SPECC1L: variants seen among roughly 807,000 people sequenced by gnomAD.
SPECC1L encodes the protein cytospin-A.
In SPECC1L, 40 loss-of-function variants were observed where a neutral mutation model predicts 116.8. The observed-to-expected ratio is 0.34, with a 90% CI of 0.27 to 0.45. SPECC1L has a LOEUF of 0.45. Among genes scored for constraint, SPECC1L ranks in the 20% least tolerant of loss-of-function variants. SPECC1L has a pLI of 1.00. For synonymous variants in SPECC1L, 504 were observed against 500.6 expected (o/e 1.01, Z -0.09); for missense variants, 1,110 against 1,373.6 (o/e 0.81, Z 3.03).
chr22:24,383,072 A>G (rs1274874441), intron 14 of SPECC1L, among the ~76,000 whole-genome samples: 3 of 152,224 alleles, frequency 2.0e-5, no homozygotes, highest in Non-Finnish European at 4.4e-5. Context: ...AAGGCCAGCC[A>G]AATGGGAATG....
rs1391703243 is a variant in SPECC1L, at chr22:24,295,677, C to T, written c.-37-6518C>T. Among the ~76,000 whole-genome samples the T allele has an allele frequency of 3.9e-5, 6 of 152,090 alleles. No homozygotes were observed. In the East Asian group the frequency reaches 5.8e-4, roughly 15 times the overall value. On this transcript the variant is annotated intron_variant, in intron 2 of 16. Coordinates refer to ENST00000314328, the MANE Select transcript of SPECC1L (RefSeq NM_015330.6). ...ATTAAGAATACCAGCACGGGCCCGG[C>T]GCGGTGGCTCACACTTGTAATCTCA...
chr22:24,271,545 G>C (rs773257711), intron 1 of SPECC1L, among the ~76,000 whole-genome samples: 8 of 152,248 alleles, frequency 5.3e-5, no homozygotes, highest in Admixed American at 2.0e-4. Flanking sequence ...GCATCAGGTT[G>C]GATGTGAATA....
intron 3 of SPECC1L, among the ~76,000 whole-genome samples, chr22:24,303,916 A>G (rs993089391): frequency 3.3e-5 from 5 of 150,830 alleles, no homozygotes; most frequent in African/African-American, 9.8e-5. Flanking sequence ...AGGTAAAACT[A>G]TTTGGCAACA....
rs749416109 is a variant in SPECC1L at position 24,328,929 on chromosome 22, A to G, written c.2220+10A>G. On this transcript the variant is annotated intron_variant, in intron 7 of 16. Transcript: ENST00000314328. Reference sequence around the variant, plus strand: ...CCACAGAAGACTTCGGGTAGGATAAATCTTCATGTATTGTCTTGTTAGAAA... The same window carrying G: ...CCACAGAAGACTTCGGGTAGGATAAGTCTTCATGTATTGTCTTGTTAGAAA... The G allele has an allele frequency of 2.5e-6, 4 of 1,596,490 alleles. No individual in the cohort carries two copies. Among genetic ancestry groups the G allele is most frequent in the Middle Eastern group, 1.7e-4 (1 of 6,032 alleles).
intron 2 of SPECC1L, among the ~76,000 whole-genome samples, chr22:24,292,490 C>G (rs554764729): frequency 1.6e-4 from 24 of 152,246 alleles, no homozygotes; most frequent in African/African-American, 5.8e-4. Context: ...TAGATTTTAT[C>G]AGTTCTTTTT....
chr22:24,353,435 TTTTG>T (rs372425741), intron 11 of SPECC1L, among the ~76,000 whole-genome samples: 17 of 152,242 alleles, frequency 1.1e-4, no homozygotes, highest in African/African-American at 2.4e-4. Context: ...TTTTTTCGTT[TTTTG>T]TTTGTTTGTT....
intron 10 of SPECC1L, among the ~76,000 whole-genome samples, chr22:24,342,854 A>C (rs2041206471): frequency 6.6e-6 from 1 of 152,050 alleles, no homozygotes; most frequent in African/African-American, 2.4e-5. Flanking sequence ...CCAAGAAAAA[A>C]AGGCGGGTCG....
In SPECC1L at chr22:24,347,144, A is replaced by G; in HGVS notation, c.2711A>G (p.Lys904Arg). The G allele has an allele frequency of 6.2e-7, 1 of 1,614,010 alleles. No individual in the cohort carries two copies. The highest frequency in any genetic ancestry group is 8.5e-7 in the Non-Finnish European group (1 of 1,179,886). ...TSKPLTALSDKRPNYGEIPVQ... is the reference protein window; with the variant it reads ...TSKPLTALSDRRPNYGEIPVQ... ...AAACCCCTGACAGCCCTGTCAGATA[A>G]GAGACCAAACTATGGGGAAATCCCT... Residue 904 changes from lysine to arginine, a missense_variant, in exon 11 of 17, where the codon AAG becomes AGG. Physicochemically the swap from Lys to Arg is conservative, Grantham distance 26. Around this residue, in one of 4 missense-constraint regions of SPECC1L, gnomAD observed 575 missense variants for 682.4 expected, o/e 0.84. Transcript: ENST00000314328.
chr22:24,410,438 G>A (rs1477761282), intron 14 of SPECC1L, among the ~76,000 whole-genome samples: 1 of 152,140 alleles, frequency 6.6e-6, no homozygotes, highest in Non-Finnish European at 1.5e-5. Flanking sequence ...CCACTCCTGT[G>A]CCCCATGCTT....
chr22:24,317,145 T>A (rs572841791), intron 4 of SPECC1L, among the ~76,000 whole-genome samples: 9 of 62,368 alleles, frequency 1.4e-4, no homozygotes, highest in Non-Finnish European at 1.6e-4. Flanking sequence ...CTGACCCCCC[T>A]ACCTCCCTCC....
chr22:24,307,342 T>G (rs1321226221), intron 3 of SPECC1L, among the ~76,000 whole-genome samples: 2 of 152,214 alleles, frequency 1.3e-5, no homozygotes, highest in Non-Finnish European at 2.9e-5. Context: ...TTCTATTGGG[T>G]GTGAGAGGGT....
In SPECC1L at chr22:24,347,119, A is replaced by G; in HGVS notation, c.2686A>G (p.Lys896Glu). Residue 896 changes from lysine (K) to glutamate (E), a missense_variant, in exon 11 of 17, where the codon AAA (lysine) becomes GAA (glutamate). Lys to Glu is a moderately conservative substitution (Grantham distance 56). Coordinates refer to ENST00000314328, the MANE Select transcript of SPECC1L (RefSeq NM_015330.6). ...CATAAGTGGACCAATCTCAACATCC[A>G]AACCCCTGACAGCCCTGTCAGATAA... ...HSISGPISTS[K>E]PLTALSDKRP... 1 of 1,614,094 alleles carries G rather than the reference A, an allele frequency of 6.2e-7. No individual in the cohort carries two copies. Among genetic ancestry groups the G allele is most frequent in the South Asian group, 1.1e-5 (1 of 91,084 alleles).
At chr22:24,409,351 G>T (rs1051646007) in intron 14 of SPECC1L, among the ~76,000 whole-genome samples, 3 of 152,156 alleles carry the variant, frequency 2.0e-5, no homozygotes, top group Non-Finnish European at 2.9e-5. Flanking sequence ...ACATGGTGGT[G>T]GGGAGGTGTT....
In SPECC1L at chr22:24,322,452, TAG is replaced by T; in HGVS notation, c.1475_1476del (p.Glu492AlafsTer8). 6.2e-7 allele frequency: 1 copy of T among 1,614,124 alleles called. No individual in the cohort carries two copies. The highest frequency in any genetic ancestry group is 8.5e-7 in the Non-Finnish European group (1 of 1,180,024). ...GTAAAAAGTGGGCGCTATATGGAAT[TAG>T]AGCAACGTTACATGGACCTCGCTGA... is the stretch of plus-strand genomic sequence containing the variant. On this transcript the variant is annotated frameshift_variant, in exon 5 of 17. Coordinates refer to ENST00000314328, the MANE Select transcript of SPECC1L (RefSeq NM_015330.6). LOFTEE classifies it high-confidence loss of function.
intron 2 of SPECC1L, among the ~76,000 whole-genome samples, chr22:24,301,901 C>A (rs914840930): frequency 3.3e-5 from 5 of 151,950 alleles, no homozygotes; most frequent in Admixed American, 6.6e-5. Context: ...AAAAAATTAG[C>A]CGGGCGTGGT....
At position 24,398,772 on chromosome 22, in the gene SPECC1L, A is replaced by G. The variant is rs148196346; in HGVS notation, c.3088-12816A>G. Among the ~76,000 whole-genome samples the G allele has an allele frequency of 7.4e-3, 1,132 of 152,260 alleles. 10 individuals carry two copies. The highest frequency in any genetic ancestry group is 8.5e-3 in the Admixed American group (130 of 15,296). ...GGAAGGCCTAATTAGTTTCTCCTCA[A>G]ACAATCCAGTTCCCCTAAAGAGGCC... On this transcript the variant is annotated intron_variant, in intron 14 of 16. Coordinates refer to ENST00000314328, the MANE Select transcript of SPECC1L (RefSeq NM_015330.6).
chr22:24,369,400 C>T, intron 14 of SPECC1L, 80 bp downstream of exon 14: 2 of 1,011,546 alleles, frequency 2.0e-6, no homozygotes, highest in South Asian at 1.3e-5. Context: ...ACGTGTCACA[C>T]ATTAGAAATG....
chr22:24,286,894 C>T (rs567849884), intron 2 of SPECC1L, among the ~76,000 whole-genome samples: 6 of 152,188 alleles, frequency 3.9e-5, no homozygotes, highest in East Asian at 1.9e-4. Flanking sequence ...GGCTACAAAG[C>T]GAGACCCTGT....
chr22:24,286,880 C>T (rs1192347667), intron 2 of SPECC1L, among the ~76,000 whole-genome samples: 2 of 152,152 alleles, frequency 1.3e-5, no homozygotes, highest in Admixed American at 1.3e-4. Context: ...TGCACTCCAG[C>T]CTGGGCTACA....
Sources: gnomAD v4.1 joint callset for allele counts (sites outside exome capture counted in the v4.1 genomes callset) on GRCh38, gnomAD v4.1.1 for gene constraint, gnomAD v4.1.1 regional missense constraint, MANE v1.5 for transcripts, NCBI Gene and HGNC (gene_info 2026-07-23, HGNC 2026-07-21) for gene names.